RREB1: variants seen among roughly 807,000 people sequenced by gnomAD.
RREB1 encodes ras-responsive element-binding protein 1.
Under a neutral mutation model 117.8 loss-of-function variants are expected in RREB1, and 27 were observed. The ratio of observed to expected loss-of-function variants is 0.23; its 90% CI spans 0.17 to 0.32. The LOEUF (loss-of-function observed/expected upper bound fraction) is 0.32, where lower values mean the gene tolerates loss of function less well. Among genes scored for constraint, RREB1 ranks in the 10% least tolerant of loss-of-function variants. The probability of loss-of-function intolerance (pLI) is 1.00; values close to 1 mark genes in which losing one functional copy is unlikely to be tolerated. For missense variants in RREB1, 2,577 were observed against 2,378.2 expected, an observed-to-expected ratio of 1.08 and a Z score of -1.74; for synonymous variants, 1,298 against 1,026.7, an observed-to-expected ratio of 1.26 and a Z score of -5.05.
At chr6:7,126,734 C>G (rs1191892751) in intron 1 of RREB1, among the ~76,000 whole-genome samples, 1 of 152,172 alleles carries the variant, frequency 6.6e-6, no homozygotes, top group African/African-American at 2.4e-5. Context: ...GATTAGGAGG[C>G]CAGCATTCTG....
chr6:7,201,149 GC>G (rs1398478132), intron 6 of RREB1, among the ~76,000 whole-genome samples: 1 of 152,116 alleles, frequency 6.6e-6, no homozygotes, highest in Non-Finnish European at 1.5e-5. Context: ...AATGCAACAT[GC>G]CCAGGTGTCC....
intron 6 of RREB1, among the ~76,000 whole-genome samples, chr6:7,196,344 C>G (rs1429755980): frequency 2.7e-5 from 4 of 148,942 alleles, no homozygotes; most frequent in Non-Finnish European, 5.9e-5. Flanking sequence ...TATAGAGCAA[C>G]TCACTCTATT....
chr6:7,113,865 A>G (rs1241800677), intron 1 of RREB1, among the ~76,000 whole-genome samples: 4 of 152,200 alleles, frequency 2.6e-5, no homozygotes, highest in Non-Finnish European at 5.9e-5. Flanking sequence ...TCTTTTTAGT[A>G]GCCTTTCTAC....
At chr6:7,238,076 TCTTA>T (rs1421799130) in intron 10 of RREB1, among the ~76,000 whole-genome samples, 1 of 152,194 alleles carries the variant, frequency 6.6e-6, no homozygotes, top group East Asian at 1.9e-4. Context: ...CATAGTAGCT[TCTTA>T]CTTGTTTTCC....
rs1769403082 is a variant in RREB1 at position 7,251,429 on chromosome 6, T to C, written c.*2461T>C. On this transcript the variant is annotated 3_prime_UTR_variant, in exon 13 of 13. Transcript: ENST00000379938. ...CTCTTTCTCCTTCTCTCAGGGCTTT[T>C]ACAAAAAAATATATATATATGGATC... 1 of 151,710 alleles carries C rather than the reference T, an allele frequency of 6.6e-6. No homozygotes were observed. The highest frequency in any genetic ancestry group is 6.6e-5 in the Admixed American group (1 of 15,244). The allele number at this position is 151,710 out of a possible 1,614,324, so 9.4% of individuals were successfully genotyped here.
chr6:7,133,523 AT>A (rs1762236844), intron 1 of RREB1, among the ~76,000 whole-genome samples: 1 of 152,104 alleles, frequency 6.6e-6, no homozygotes, highest in African/African-American at 2.4e-5. Context: ...GGAGTTTGAA[AT>A]CAGCCTGGGC....
intron 6 of RREB1, among the ~76,000 whole-genome samples, chr6:7,198,048 C>T (rs1345267773): frequency 1.3e-5 from 2 of 152,144 alleles, no homozygotes; most frequent in East Asian, 3.9e-4. Context: ...TCTCTGAAAG[C>T]AGGGGACAGT....
intron 6 of RREB1, among the ~76,000 whole-genome samples, chr6:7,192,631 G>A (rs1765470817): frequency 6.6e-6 from 1 of 152,126 alleles, no homozygotes; most frequent in South Asian, 2.1e-4. Flanking sequence ...TCTGTAGTTA[G>A]TAATAATTTC....
chr6:7,181,508 A>G (rs1049702994), intron 3 of RREB1: 1 of 489,614 alleles, frequency 2.0e-6, no homozygotes, highest in East Asian at 3.4e-5. Flanking sequence ...GAATAAGCCT[A>G]GGTTCTTAGG....
chr6:7,141,884 TG>T (rs1319698700), intron 1 of RREB1, among the ~76,000 whole-genome samples: 3 of 152,170 alleles, frequency 2.0e-5, no homozygotes, highest in African/African-American at 4.8e-5. Flanking sequence ...GCTGGATAAT[TG>T]CCTCTCCTTT....
At chr6:7,211,260 ACCAGTGCC>A (rs1327327515) in intron 7 of RREB1, among the ~76,000 whole-genome samples, 1 of 130,766 alleles carries the variant, frequency 7.6e-6, no homozygotes, top group African/African-American at 2.9e-5. Flanking sequence ...CTTTTTTATT[ACCAGTGCC>A]TGGCAGATAC....
At chr6:7,141,052 G>C (rs1444290705) in intron 1 of RREB1, among the ~76,000 whole-genome samples, 1 of 152,234 alleles carries the variant, frequency 6.6e-6, no homozygotes, top group African/African-American at 2.4e-5. Flanking sequence ...CCAGGGCCTC[G>C]AGGGTCTGTC....
rs1056141785 is a variant in RREB1 at position 7,251,177 on chromosome 6, A to G, written c.*2209A>G. Reference sequence around the variant, plus strand: ...GCTGGGGCTGCCGCTCGCAATAATCACTATTGATTTAAAGCTTTACTTAGC... The same window carrying G: ...GCTGGGGCTGCCGCTCGCAATAATCGCTATTGATTTAAAGCTTTACTTAGC... On this transcript the variant is annotated 3_prime_UTR_variant, in exon 13 of 13. Transcript: ENST00000379938. 5 of 152,110 alleles carry G rather than the reference A, an allele frequency of 3.3e-5. No individual in the cohort carries two copies. The highest frequency in any genetic ancestry group is 5.9e-5 in the Non-Finnish European group (4 of 68,036). The allele number at this position is 152,110 out of a possible 1,614,324, so 9.4% of individuals were successfully genotyped here.
At chr6:7,141,779 G>A (rs920301719) in intron 1 of RREB1, among the ~76,000 whole-genome samples, 22 of 152,242 alleles carry the variant, frequency 1.4e-4, no homozygotes, top group African/African-American at 5.1e-4. Flanking sequence ...AGTGAACCTG[G>A]AAGGAGCGGG....
chr6:7,158,475 CTG>C (rs1329515890), intron 1 of RREB1, among the ~76,000 whole-genome samples: 4 of 152,220 alleles, frequency 2.6e-5, no homozygotes, highest in Non-Finnish European at 4.4e-5. Context: ...CACACACCCT[CTG>C]TAATGAGGCC....
chr6:7,181,972 A>G lies in RREB1; in HGVS notation c.61A>G (p.Met21Val). The change falls in exon 4 of 13, where the codon ATG becomes GTG. Residue 21 changes from methionine (M) to valine (V), a missense_variant. By Grantham distance (21) the Met-to-Val change is conservative. Transcript: ENST00000379938. ...AGACCTATCTTCCATCAACACCATG[A>G]TGTCGGCGGTCATGAGTGTAGGGAA... ...GSDLSSINTMMSAVMSVGKVT... is the reference protein window; with the variant it reads ...GSDLSSINTMVSAVMSVGKVT... 1.9e-6 allele frequency: 3 copies of G among 1,614,210 alleles called. No individual in the cohort carries two copies. Among genetic ancestry groups the G allele is most frequent in the Non-Finnish European group, 2.5e-6 (3 of 1,180,022 alleles).
chr6:7,229,797 G>A lies in RREB1; in HGVS notation c.1698G>A (p.Lys566=), dbSNP rs745552921. 6.2e-7 allele frequency: 1 copy of A among 1,610,648 alleles called. No homozygotes were observed. The highest frequency in any genetic ancestry group is 2.2e-5 in the East Asian group (1 of 44,796). ...CCAACGCCCACCTGCTGCAGTCCAA[G>A]TCCGGGACCCAGCCCCACGCGGCCA... ...AASNAHLLQS[K]SGTQPHAATR... The change falls in exon 10 of 13, where the codon AAG becomes AAA. Residue 566 remains lysine, a synonymous_variant. Transcript: ENST00000379938. This position sits in a 1 kb window ranked among gnomAD's most constrained non-coding sequence, Gnocchi z 4.5.
chr6:7,126,151 A>ACG (rs1561730632), intron 1 of RREB1, among the ~76,000 whole-genome samples: 5 of 151,434 alleles, frequency 3.3e-5, no homozygotes, highest in African/African-American at 1.2e-4. Flanking sequence ...ACAGGTGCGC[A>ACG]CCACCACACC....
At chr6:7,178,530 C>G (rs1278161752) in intron 2 of RREB1, among the ~76,000 whole-genome samples, 7 of 152,200 alleles carry the variant, frequency 4.6e-5, no homozygotes, top group Non-Finnish European at 7.3e-5. Context: ...AGCTTCTTCC[C>G]CTTCTTCCCT....
Sources: gnomAD v4.1 joint callset for allele counts (sites outside exome capture counted in the v4.1 genomes callset) on GRCh38, gnomAD v4.1.1 for gene constraint, Gnocchi (gnomAD v3.1) non-coding constraint, MANE v1.5 for transcripts, NCBI Gene and HGNC (gene_info 2026-07-23, HGNC 2026-07-21) for gene names.